The following SCNN1B variants were observed in gnomAD, a reference collection of about 807,000 sequenced individuals.
SCNN1B encodes epithelial sodium channel subunit beta.
SCNN1B carries 46 observed loss-of-function variants against 65.3 expected under a neutral mutation model. The ratio of observed to expected loss-of-function variants is 0.70; its 90% confidence interval spans 0.56 to 0.90. The LOEUF (loss-of-function observed/expected upper bound fraction) is 0.90. SCNN1B is among the 40% of genes least tolerant of loss of function. SCNN1B has a pLI of 0.00. For synonymous variants in SCNN1B, 349 were observed against 330.6 expected (o/e 1.06, Z -0.60); for missense variants, 751 against 830.5 (o/e 0.90, Z 1.18).
chr16:23,378,594 CG>C, intron 10 of SCNN1B, 111 bp from the exon 11 acceptor site: 5 of 915,390 alleles, frequency 5.5e-6, no homozygotes, highest in Non-Finnish European at 9.0e-6. Context: ...GTGATTCCCC[CG>C]GGGGCCTCAG....
At chr16:23,295,086 C>A (rs1482780561) in intron 2 of SCNN1B, among the ~76,000 whole-genome samples, 2 of 152,172 alleles carry the variant, frequency 1.3e-5, no homozygotes, top group Non-Finnish European at 2.9e-5. Context: ...TCTAGAAGTT[C>A]TTTATCTTGC....
At chr16:23,365,500 AAAAGAAAGAAAG>A (rs1266484520) in intron 4 of SCNN1B, among the ~76,000 whole-genome samples, 5 of 137,670 alleles carry the variant, frequency 3.6e-5, no homozygotes, top group Non-Finnish European at 1.6e-5. Context: ...AAAAGAAAGA[AAAAGAAAGAAAG>A]AAAAGAAAAA....
rs1182475940 is a variant in SCNN1B, at chr16:23,371,805, C to G, written c.1074C>G (p.Tyr358Ter). The change falls in exon 7 of 13, where the codon TAC becomes TAG. Residue 358 changes from tyrosine (Y) to a stop codon, truncating the protein, a stop_gained. Coordinates refer to ENST00000343070, the MANE Select transcript of SCNN1B (RefSeq NM_000336.3). LOFTEE classifies it high-confidence loss of function. ...AGCTTCAGCGCATGGGGGAGCCCTA[C>G]AGCCCGTGCACCGTGAATGGTTCTG... ...VDKLQRMGEP[Y>*]SPCTVNGSEV... 6.2e-7 allele frequency: 1 copy of G among 1,614,084 alleles called. No individual in the cohort carries two copies. Among genetic ancestry groups the G allele is most frequent in the Non-Finnish European group, 8.5e-7 (1 of 1,179,986 alleles).
intron 1 of SCNN1B, among the ~76,000 whole-genome samples, chr16:23,311,949 C>A (rs930429743): frequency 6.6e-6 from 1 of 151,904 alleles, no homozygotes; most frequent in African/African-American, 2.4e-5. Flanking sequence ...CCAACACCCA[C>A]CCTCCCTCCC....
At position 23,331,951 on chromosome 16, in the gene SCNN1B, GT is replaced by G. The variant is rs1961821434; in HGVS notation, c.-8-16636del. On this transcript the variant is annotated intron_variant, in intron 1 of 12. Coordinates refer to ENST00000343070, the MANE Select transcript of SCNN1B (RefSeq NM_000336.3). ...ACAGGGCTGTTTTGTGTGGGGGTGG[GT>G]TTTTGCTTGTTTGTTTGTTTGTTTG... 2.0e-5 allele frequency among the ~76,000 whole-genome samples: 3 copies of G among 152,102 alleles called. No individual in the cohort carries two copies. In the South Asian group the frequency reaches 6.3e-4, roughly 32 times the overall value.
intron 4 of SCNN1B, among the ~76,000 whole-genome samples, chr16:23,365,104 G>A (rs1420948651): frequency 6.6e-6 from 1 of 151,088 alleles, no homozygotes. Flanking sequence ...CCAGCCTGGG[G>A]TGAAAGAGCA....
chr16:23,334,561 G>A (rs1257388324), intron 1 of SCNN1B, among the ~76,000 whole-genome samples: 1 of 152,160 alleles, frequency 6.6e-6, no homozygotes, highest in Non-Finnish European at 1.5e-5. Context: ...ACACCCGTCT[G>A]GACTGCCCTA....
chr16:23,296,021 G>A (rs1302156785), intron 2 of SCNN1B, among the ~76,000 whole-genome samples: 6 of 152,194 alleles, frequency 3.9e-5, no homozygotes, highest in Non-Finnish European at 7.3e-5. Context: ...GGGGCTCTGC[G>A]GTTGGATTTC....
At chr16:23,344,424 T>C (rs1175836466) in intron 1 of SCNN1B, among the ~76,000 whole-genome samples, 5 of 152,246 alleles carry the variant, frequency 3.3e-5, no homozygotes, top group Non-Finnish European at 7.3e-5. Context: ...CAACTACCTA[T>C]TGGAACCTAA....
intron 1 of SCNN1B, among the ~76,000 whole-genome samples, chr16:23,317,153 C>A (rs1961489578): frequency 6.6e-6 from 1 of 152,196 alleles, no homozygotes; most frequent in African/African-American, 2.4e-5. Context: ...GGCAATTGAC[C>A]TAACATCTCT....
intron 1 of SCNN1B, among the ~76,000 whole-genome samples, chr16:23,341,039 G>T (rs1289784908): frequency 1.3e-5 from 2 of 152,120 alleles, no homozygotes; most frequent in Non-Finnish European, 2.9e-5. Flanking sequence ...TAGGATTTTG[G>T]TTGAAATTGA....
intron 2 of SCNN1B, among the ~76,000 whole-genome samples, chr16:23,293,063 C>T (rs1228842692): frequency 7.3e-6 from 1 of 136,732 alleles, no homozygotes; most frequent in Non-Finnish European, 1.5e-5. Flanking sequence ...TGCAGCGAGC[C>T]GAGACTGCGC....
intron 1 of SCNN1B, among the ~76,000 whole-genome samples, chr16:23,314,203 G>A (rs1252484815): frequency 2.0e-5 from 3 of 151,386 alleles, no homozygotes; most frequent in Non-Finnish European, 4.4e-5. Flanking sequence ...TATTTTATTT[G>A]TTTTGGTAGA....
chr16:23,379,086 C>T (rs1303318900), intron 11 of SCNN1B, among the ~76,000 whole-genome samples: 1 of 149,708 alleles, frequency 6.7e-6, no homozygotes. Context: ...CCCAGCCATC[C>T]TCCACCCATT....
intron 8 of SCNN1B, 120 bp from the exon 9 acceptor site, chr16:23,377,045 C>T (rs902751372): frequency 1.1e-6 from 1 of 886,918 alleles, no homozygotes; most frequent in Admixed American, 2.0e-5. Flanking sequence ...ATGACACCTC[C>T]TCCTGCCACC....
At chr16:23,377,546 A>ATTCC (rs1250759053) in intron 10 of SCNN1B, among the ~76,000 whole-genome samples, 160 bp downstream of exon 10, 1 of 50,470 alleles carries the variant, frequency 2.0e-5, no homozygotes, top group Non-Finnish European at 4.4e-5. Context: ...TCTCTGCTTT[A>ATTCC]TTCCTTCCTT....
upstream of SCNN1B, among the ~76,000 whole-genome samples, chr16:23,298,938 C>G (rs1203787588): frequency 6.6e-6 from 1 of 152,096 alleles, no homozygotes; most frequent in Non-Finnish European, 1.5e-5. Flanking sequence ...CACAGTTCCA[C>G]AGGGGACTCA....
chr16:23,312,823 A>C (rs1961373613), intron 1 of SCNN1B, among the ~76,000 whole-genome samples: 1 of 152,104 alleles, frequency 6.6e-6, no homozygotes, highest in African/African-American at 2.4e-5. Flanking sequence ...CATCCTGGCC[A>C]CAGGATGGTG....
At chr16:23,362,574 C>A (rs1309139442) in intron 4 of SCNN1B, among the ~76,000 whole-genome samples, 1 of 152,272 alleles carries the variant, frequency 6.6e-6, no homozygotes, top group South Asian at 2.1e-4. Flanking sequence ...TGGCTCCCAG[C>A]CCAGCAGAGA....
Sources: gnomAD v4.1 joint callset for allele counts (sites outside exome capture counted in the v4.1 genomes callset) on GRCh38, gnomAD v4.1.1 for gene constraint, MANE v1.5 for transcripts, NCBI Gene and HGNC (gene_info 2026-07-23, HGNC 2026-07-21) for gene names.